ZFHX3: variants seen among roughly 807,000 people sequenced by gnomAD.
ZFHX3 encodes the protein zinc finger homeobox 3.
ZFHX3 carries 42 observed loss-of-function variants against 279.1 expected under a neutral mutation model. The ratio of observed to expected loss-of-function variants is 0.15; its 90% CI spans 0.12 to 0.19. The LOEUF is 0.19. Among genes scored for constraint, ZFHX3 ranks in the 10% least tolerant of loss-of-function variants. The pLI, the probability that ZFHX3 is intolerant of heterozygous loss-of-function variation, is 1.00. For synonymous variants in ZFHX3, 2,293 were observed against 1,957.8 expected (o/e 1.17, Z -4.52); for missense variants, 4,981 against 4,754.0 (o/e 1.05, Z -1.40).
At chr16:72,805,910 G>GAGAT (rs1362672877) in intron 7 of ZFHX3, 2 of 143,148 alleles carry the variant, frequency 1.4e-5, no homozygotes, top group African/African-American at 5.3e-5. Flanking sequence ...TTTTTTTTTT[G>GAGAT]AGATAGTCTC....
chr16:73,463,554 C>T (rs867291306), intron 2 of ZFHX3, among the ~76,000 whole-genome samples: 3 of 152,244 alleles, frequency 2.0e-5, no homozygotes, highest in South Asian at 2.1e-4. Context: ...ACCCTCCTGC[C>T]GTTTCCCTTC....
At chr16:73,060,756 C>T (rs868671202), upstream of ZFHX3, 21 of 152,190 alleles carry the variant, frequency 1.4e-4, no homozygotes, top group Middle Eastern at 3.4e-3. Flanking sequence ...CCCTGTAACA[C>T]CAGATAGCTT....
At chr16:73,004,555 G>T (rs1275472701) in intron 1 of ZFHX3, among the ~76,000 whole-genome samples, 2 of 151,580 alleles carry the variant, frequency 1.3e-5, no homozygotes, top group African/African-American at 4.8e-5. Context: ...CTTGTGATGT[G>T]CCTGCCTCAA....
intron 1 of ZFHX3, among the ~76,000 whole-genome samples, chr16:73,041,600 G>C (rs926154408): frequency 1.3e-5 from 2 of 152,112 alleles, no homozygotes; most frequent in African/African-American, 2.4e-5. Context: ...AATAACATAA[G>C]GGGACACTAT....
intron 2 of ZFHX3, among the ~76,000 whole-genome samples, chr16:73,665,843 G>T (rs974703438): frequency 1.7e-5 from 2 of 115,004 alleles, no homozygotes; most frequent in African/African-American, 7.0e-5. Flanking sequence ...TTAAGGCAGA[G>T]TCTTGCTCTG....
At chr16:73,817,200 A>C (rs8045441) in intron 1 of ZFHX3, among the ~76,000 whole-genome samples, 12,651 of 152,196 alleles carry the variant, frequency 0.083, 1,741 homozygotes, top group African/African-American at 0.29. Context: ...GCTGACAGTG[A>C]AATGTGTGCC....
At chr16:73,058,498 GAAAA>G (rs998912286) in intron 1 of ZFHX3, 1 of 134,948 alleles carries the variant, frequency 7.4e-6, no homozygotes, top group South Asian at 2.3e-4. Context: ...GCGGCGGCGG[GAAAA>G]AAAAAAGAGG....
Position 72,788,395 on chromosome 16 carries a change from G to A in ZFHX3, c.9881C>T (p.Ala3294Val), listed in dbSNP as rs182879534. Residue 3294 changes from alanine (A) to valine (V), a missense_variant, in exon 10 of 10, where the codon GCG (alanine) becomes GTG (valine). Ala to Val is a moderately conservative substitution (Grantham distance 64). Coordinates refer to ENST00000268489, the MANE Select transcript of ZFHX3 (RefSeq NM_006885.4). Reference sequence around the variant, plus strand: ...CAATGCTGTGGGGTCCGAAGTCAACGCGGCCTGCAGGGCCTGCAGCTGTGC... The same window carrying A: ...CAATGCTGTGGGGTCCGAAGTCAACACGGCCTGCAGGGCCTGCAGCTGTGC... ...DPAQLQALQAALTSDPTALLT... is the reference protein window; with the variant it reads ...DPAQLQALQAVLTSDPTALLT... 1.1e-5 allele frequency: 17 copies of A among 1,614,194 alleles called. No homozygotes were observed. Among genetic ancestry groups the A allele is most frequent in the African/African-American group, 2.7e-5 (2 of 75,060 alleles).
intron 1 of ZFHX3, among the ~76,000 whole-genome samples, chr16:72,974,287 C>T (rs1962244762): frequency 6.6e-6 from 1 of 152,232 alleles, no homozygotes. Context: ...TTCAACGTTG[C>T]TGGACAGAGG....
intron 7 of ZFHX3, among the ~76,000 whole-genome samples, chr16:73,109,241 G>A (rs185877822): frequency 9.2e-5 from 14 of 152,308 alleles, no homozygotes; most frequent in Middle Eastern, 6.8e-3. Flanking sequence ...CATAGGTTTC[G>A]TGTCTTTATT....
intron 5 of ZFHX3, among the ~76,000 whole-genome samples, chr16:73,198,769 G>C (rs940715248): frequency 6.6e-6 from 1 of 152,132 alleles, no homozygotes; most frequent in African/African-American, 2.4e-5. Flanking sequence ...AAACAAAAGG[G>C]GACTTTCACT....
At chr16:73,407,436 C>G (rs531539082) in intron 3 of ZFHX3, among the ~76,000 whole-genome samples, 1 of 152,304 alleles carries the variant, frequency 6.6e-6, no homozygotes, top group East Asian at 1.9e-4. Flanking sequence ...CATCAATGCT[C>G]TGAGACCCAC....
intron 4 of ZFHX3, among the ~76,000 whole-genome samples, chr16:73,276,842 A>T (rs1344541313): frequency 1.3e-5 from 2 of 152,226 alleles, no homozygotes; most frequent in African/African-American, 4.8e-5. Flanking sequence ...ATGTTTGCGG[A>T]TGAGGCAAAC....
At chr16:73,876,745 C>T (rs924758041) in intron 1 of ZFHX3, among the ~76,000 whole-genome samples, 2 of 152,102 alleles carry the variant, frequency 1.3e-5, no homozygotes, top group African/African-American at 4.8e-5. Flanking sequence ...GAAAAGACTG[C>T]ATTTCTCTTA....
At chr16:72,903,489 A>G (rs1266253402) in intron 3 of ZFHX3, among the ~76,000 whole-genome samples, 1 of 152,172 alleles carries the variant, frequency 6.6e-6, no homozygotes, top group Non-Finnish European at 1.5e-5. Flanking sequence ...CATATGTTAC[A>G]TGGAGTTGGA....
chr16:73,663,244 C>T (rs2052803610), intron 2 of ZFHX3, among the ~76,000 whole-genome samples: 1 of 152,194 alleles, frequency 6.6e-6, no homozygotes, highest in South Asian at 2.1e-4. Context: ...CAGTAGCTTG[C>T]TTCCCATCTT....
At chr16:73,158,795 C>A (rs931858279) in intron 5 of ZFHX3, among the ~76,000 whole-genome samples, 8 of 152,174 alleles carry the variant, frequency 5.3e-5, no homozygotes, top group African/African-American at 1.9e-4. Flanking sequence ...ACCATCTGAT[C>A]TTTGGCAAAG....
rs532309294 is a variant in ZFHX3, at chr16:73,280,202, T to C, written c.-1193-23066A>G. On this transcript the variant is annotated intron_variant, in intron 4 of 17. Transcript: ENST00000641206. ...AACATAGGGGAAAAGATCCTTGATA[T>C]TGGATGTAACACCAAAAATACCGGC... Among the ~76,000 whole-genome samples, 7 of 152,270 alleles carry C rather than the reference T, an allele frequency of 4.6e-5. No individual in the cohort carries two copies. The South Asian group carries it at 1.5e-3, about 32-fold the overall frequency.
At chr16:73,317,187 C>A (rs1483289728) in intron 4 of ZFHX3, among the ~76,000 whole-genome samples, 1 of 140,108 alleles carries the variant, frequency 7.1e-6, no homozygotes, top group East Asian at 2.2e-4. Flanking sequence ...ATGGGCAGGT[C>A]TGGTTGTATA....
Sources: allele counts gnomAD v4.1 joint callset (sites outside exome capture counted in the v4.1 genomes callset), GRCh38; gene constraint gnomAD v4.1.1; transcripts MANE v1.5; gene names NCBI Gene and HGNC (gene_info 2026-07-23, HGNC 2026-07-21).